The following SORCS1 variants were observed in gnomAD, a reference collection of about 807,000 sequenced individuals.
SORCS1 encodes sortilin related VPS10 domain containing receptor 1, also known as VPS10 domain-containing receptor SorCS1.
In SORCS1, 60 loss-of-function variants were observed where a neutral mutation model predicts 146.1. That is an observed-to-expected ratio of 0.41 (90% CI 0.33 to 0.51). SORCS1 has a LOEUF of 0.51. Ranked by LOEUF, SORCS1 falls within the 20% of genes least tolerant of loss-of-function variation. The probability of loss-of-function intolerance (pLI) is 0.21; values close to 1 mark genes in which losing one functional copy is unlikely to be tolerated. For missense variants in SORCS1, 1,352 were observed against 1,487.6 expected (o/e 0.91, Z 1.50); for synonymous variants, 637 against 584.0 (o/e 1.09, Z -1.31).
intron 14 of SORCS1, among the ~76,000 whole-genome samples, chr10:106,673,338 G>A (rs909505982): frequency 2.0e-5 from 3 of 151,936 alleles, no homozygotes; most frequent in Non-Finnish European, 2.9e-5. Flanking sequence ...CCACCATGTT[G>A]GCCAGGATGG....
At chr10:106,958,189 T>TCTTTTCC (rs1452339781) in intron 1 of SORCS1, among the ~76,000 whole-genome samples, 9 of 152,256 alleles carry the variant, frequency 5.9e-5, no homozygotes, top group Non-Finnish European at 1.2e-4. Flanking sequence ...TACTTGCTCT[T>TCTTTTCC]CTTACATAAG....
intron 4 of SORCS1, among the ~76,000 whole-genome samples, chr10:106,774,033 T>A (rs1309661650): frequency 6.6e-6 from 1 of 152,174 alleles, no homozygotes. Flanking sequence ...TACCAATTAG[T>A]GATTTTTCCC....
At chr10:106,935,498 C>G (rs1260859270) in intron 2 of SORCS1, among the ~76,000 whole-genome samples, 2 of 152,212 alleles carry the variant, frequency 1.3e-5, no homozygotes, top group South Asian at 4.2e-4. Context: ...ATAATGGATA[C>G]ATTTTTTAAA....
intron 2 of SORCS1, among the ~76,000 whole-genome samples, chr10:106,905,099 C>T (rs1951858132): frequency 6.6e-6 from 1 of 151,706 alleles, no homozygotes. Flanking sequence ...GAAAAATAAC[C>T]ACAATTCTAA....
intron 4 of SORCS1, among the ~76,000 whole-genome samples, chr10:106,772,636 C>A (rs1002870482): frequency 4.1e-4 from 62 of 152,098 alleles, no homozygotes; most frequent in African/African-American, 1.4e-3. Flanking sequence ...TTTGTGAATT[C>A]TGAGGACATT....
chr10:107,104,459 C>A (rs1350318692), intron 1 of SORCS1, among the ~76,000 whole-genome samples: 1 of 152,168 alleles, frequency 6.6e-6, no homozygotes, highest in African/African-American at 2.4e-5. Context: ...ATACTTCAGC[C>A]TCATGGCAGA....
chr10:107,147,872 G>C (rs911498220), intron 1 of SORCS1, among the ~76,000 whole-genome samples: 2 of 152,100 alleles, frequency 1.3e-5, no homozygotes, highest in African/African-American at 4.8e-5. Context: ...GACATACAGA[G>C]AGTGACCCGG....
intron 3 of SORCS1, among the ~76,000 whole-genome samples, chr10:106,798,236 C>G (rs1946678845): frequency 6.6e-6 from 1 of 152,234 alleles, no homozygotes; most frequent in Non-Finnish European, 1.5e-5. Context: ...GAGTCCTCCC[C>G]AGCCCCGTGC....
intron 23 of SORCS1, among the ~76,000 whole-genome samples, chr10:106,605,224 C>A (rs1449051878): frequency 1.3e-5 from 2 of 152,170 alleles, no homozygotes; most frequent in Non-Finnish European, 2.9e-5. Context: ...CCAGAAGAGA[C>A]AGAGAATGAA....
intron 1 of SORCS1, among the ~76,000 whole-genome samples, chr10:107,140,951 T>G (rs1967779356): frequency 6.6e-6 from 1 of 152,220 alleles, no homozygotes; most frequent in Non-Finnish European, 1.5e-5. Context: ...AGTCTTCAAC[T>G]ACCACATTAC....
chr10:106,818,155 A>T (rs550244459), intron 3 of SORCS1, among the ~76,000 whole-genome samples: 7 of 152,246 alleles, frequency 4.6e-5, no homozygotes, highest in African/African-American at 1.7e-4. Context: ...TATACCCCTA[A>T]ATTTCATCAA....
At chr10:107,082,977 C>T (rs982655742) in intron 1 of SORCS1, among the ~76,000 whole-genome samples, 7 of 151,672 alleles carry the variant, frequency 4.6e-5, no homozygotes, top group Non-Finnish European at 5.9e-5. Context: ...GGCGTGGTGG[C>T]GGGCACCTGT....
At chr10:106,957,191 TAG>T (rs1954998758) in intron 1 of SORCS1, among the ~76,000 whole-genome samples, 1 of 142,724 alleles carries the variant, frequency 7.0e-6, no homozygotes, top group South Asian at 2.3e-4. Flanking sequence ...TTTTTGGAGA[TAG>T]AGTTTCGCTC....
In SORCS1 at chr10:106,792,185, G is replaced by A. The variant is rs138002323; in HGVS notation, c.727-15493C>T. ...CATAGACATGGGTGATCCCAAGTGC[G>A]TATTTCAAGCTCGAAGACAATTAAG... On this transcript the variant is annotated intron_variant, in intron 3 of 25. Transcript: ENST00000263054. Among the ~76,000 whole-genome samples the A allele has an allele frequency of 4.6e-5, 7 of 152,292 alleles. No individual in the cohort carries two copies. The East Asian group carries it at 5.8e-4, about 13-fold the overall frequency.
At chr10:106,658,893 C>T (rs1484342663) in intron 17 of SORCS1, among the ~76,000 whole-genome samples, 2 of 152,166 alleles carry the variant, frequency 1.3e-5, no homozygotes, top group Non-Finnish European at 2.9e-5. Flanking sequence ...TTCCTGATCT[C>T]CTATTATATA....
At position 106,735,408 on chromosome 10, in the gene SORCS1, T is replaced by A. The variant is rs143856403; in HGVS notation, c.960-5294A>T. On this transcript the variant is annotated intron_variant, in intron 5 of 25. Transcript: ENST00000263054. ...AACTACAGAAGAGGCAGTAACCCAA[T>A]GAAGAAAGGGTTCTAACATTCAAGG... Among the ~76,000 whole-genome samples, 1,474 of 152,252 alleles carry A rather than the reference T, an allele frequency of 9.7e-3. 19 individuals carry two copies. Among genetic ancestry groups the A allele is most frequent in the Non-Finnish European group, 0.016 (1,096 of 68,032 alleles).
chr10:106,782,822 C>T (rs1446531164), intron 3 of SORCS1, among the ~76,000 whole-genome samples: 3 of 152,104 alleles, frequency 2.0e-5, no homozygotes, highest in East Asian at 3.8e-4. Context: ...ATTTCCATGG[C>T]GGGTTGATCC....
intron 2 of SORCS1, among the ~76,000 whole-genome samples, chr10:106,850,252 G>A (rs1327811518): frequency 1.3e-5 from 2 of 151,994 alleles, no homozygotes; most frequent in African/African-American, 2.4e-5. Flanking sequence ...CGTGGGTGGA[G>A]GACCCTCCGA....
intron 16 of SORCS1, among the ~76,000 whole-genome samples, chr10:106,670,095 G>A (rs936769304): frequency 2.0e-5 from 3 of 152,176 alleles, no homozygotes; most frequent in Non-Finnish European, 2.9e-5. Flanking sequence ...CATATTTAGC[G>A]ATTGTGTTTT....
Sources: allele counts gnomAD v4.1 joint callset (sites outside exome capture counted in the v4.1 genomes callset), GRCh38; gene constraint gnomAD v4.1.1; transcripts MANE v1.5; gene names NCBI Gene and HGNC (gene_info 2026-07-23, HGNC 2026-07-21).